NCLN: variants seen among roughly 807,000 people sequenced by gnomAD.
NCLN encodes the protein BOS complex subunit NCLN.
In NCLN, 34 loss-of-function variants were observed where a neutral mutation model predicts 69.5. The observed-to-expected ratio is 0.49, with a 90% CI of 0.37 to 0.65. The LOEUF (loss-of-function observed/expected upper bound fraction) is 0.65, where lower values mean the gene tolerates loss of function less well. Ranked by LOEUF, NCLN falls within the 30% of genes least tolerant of loss-of-function variation. The probability of loss-of-function intolerance (pLI) is 0.00; values close to 1 mark genes in which losing one functional copy is unlikely to be tolerated. For missense variants in NCLN, 710 were observed against 804.8 expected (o/e 0.88, Z 1.42); for synonymous variants, 393 against 358.3 (o/e 1.10, Z -1.09).
chr19:3,186,494 G>A (rs1395105960), intron 1 of NCLN, among the ~76,000 whole-genome samples: 2 of 152,048 alleles, frequency 1.3e-5, no homozygotes, highest in Non-Finnish European at 2.9e-5. Context: ...AGCGTCCCGC[G>A]TCCCTGGAGC....
chr19:3,189,499 G>A (rs1176918349), intron 1 of NCLN, among the ~76,000 whole-genome samples: 9 of 152,250 alleles, frequency 5.9e-5, no homozygotes, highest in Admixed American at 3.9e-4. Context: ...CCTATGGCCC[G>A]AGAGGGGAAA....
In NCLN at chr19:3,201,489, G is replaced by T. The variant is rs376406579; in HGVS notation, c.697-34G>T. The T allele has an allele frequency of 1.8e-4, 276 of 1,492,968 alleles. 2 individuals carry two copies. The African/African-American group carries it at 3.5e-3, about 19-fold the overall frequency. 92.5% of individuals were successfully genotyped at this position (1,492,968 alleles called of 1,614,324 possible). A position where few individuals can be genotyped will look rare whatever the true frequency, so the allele number is the denominator to read the frequency against. The stretch of plus-strand genomic sequence containing the variant: ...TCATGGGGTGCGGGAGCCGGGCGGG[G>T]GTGACTGTGGCCTTGCCTCTCCCGT... On this transcript the variant is annotated intron_variant, in intron 5 of 14. Coordinates refer to ENST00000246117, the MANE Select transcript of NCLN (RefSeq NM_020170.4).
chr19:3,201,801 C>CT (rs1169569063), intron 6 of NCLN, among the ~76,000 whole-genome samples, 175 bp downstream of exon 6: 1 of 152,212 alleles, frequency 6.6e-6, no homozygotes, highest in Non-Finnish European at 1.5e-5. Flanking sequence ...CTCGCAGGCT[C>CT]TGTCTCTTGG....
At chr19:3,196,302 A>T (rs374520752) in intron 4 of NCLN, 25 bp downstream of exon 4, 5 of 1,504,512 alleles carry the variant, frequency 3.3e-6, no homozygotes, top group African/African-American at 1.4e-5. Flanking sequence ...CCCCGGAGCC[A>T]GCCCCACGTC....
At chr19:3,199,113 G>A (rs1916056232) in intron 5 of NCLN, among the ~76,000 whole-genome samples, 1 of 152,214 alleles carries the variant, frequency 6.6e-6, no homozygotes, top group Non-Finnish European at 1.5e-5. Context: ...GCAGGTTCCA[G>A]GGCACGGCGG....
chr19:3,189,723 C>T (rs1915762312), intron 1 of NCLN, among the ~76,000 whole-genome samples: 1 of 152,238 alleles, frequency 6.6e-6, no homozygotes, highest in Non-Finnish European at 1.5e-5. Context: ...TGTGGCCACC[C>T]GGCCCGACCC....
chr19:3,190,858 C>A (rs570543030), intron 1 of NCLN, among the ~76,000 whole-genome samples: 42 of 152,236 alleles, frequency 2.8e-4, no homozygotes, highest in Admixed American at 1.9e-3. Flanking sequence ...TGTCTTTTAA[C>A]ATTTGGGTGA....
intron 12 of NCLN, 43 bp from the exon 13 acceptor site, chr19:3,207,155 G>T: frequency 6.2e-7 from 1 of 1,607,054 alleles, no homozygotes; most frequent in Non-Finnish European, 8.5e-7. Flanking sequence ...TTAAGAATTA[G>T]CTGGGCGCAG....
At chr19:3,201,501 C>G in intron 5 of NCLN, 22 bp from the exon 6 acceptor site, 1 of 1,531,822 alleles carries the variant, frequency 6.5e-7, no homozygotes, top group South Asian at 1.2e-5. Flanking sequence ...TGACTGTGGC[C>G]TTGCCTCTCC....
chr19:3,192,013 C>T (rs1392500941), intron 1 of NCLN, among the ~76,000 whole-genome samples: 1 of 152,108 alleles, frequency 6.6e-6, no homozygotes, highest in Non-Finnish European at 1.5e-5. Flanking sequence ...ACAGGCAAAA[C>T]CCCGTCTCTA....
chr19:3,191,035 G>A (rs1012709135), intron 1 of NCLN, among the ~76,000 whole-genome samples: 11 of 146,846 alleles, frequency 7.5e-5, no homozygotes, highest in African/African-American at 2.8e-4. Flanking sequence ...AGATCGTCGT[G>A]GTGCGTGGCG....
Position 3,186,024 on chromosome 19 carries a change from G to A in NCLN, c.-7G>A, listed in dbSNP as rs1357838535. 3.9e-6 allele frequency: 6 copies of A among 1,552,854 alleles called. No individual in the cohort carries two copies. The African/African-American group carries it at 4.3e-5, about 11-fold the overall frequency. ...TGCCGCCCCGCGCGGCCCCGCCGCCGGCCAGGATGCTGGAGGAAGCGGGCG... is the reference window on the plus strand; with the variant it reads ...TGCCGCCCCGCGCGGCCCCGCCGCCAGCCAGGATGCTGGAGGAAGCGGGCG... On this transcript the variant is annotated 5_prime_UTR_variant, in exon 1 of 15. Coordinates refer to ENST00000246117, the MANE Select transcript of NCLN (RefSeq NM_020170.4).
At chr19:3,187,959 C>G (rs979715651) in intron 1 of NCLN, among the ~76,000 whole-genome samples, 1 of 152,154 alleles carries the variant, frequency 6.6e-6, no homozygotes, top group Non-Finnish European at 1.5e-5. Context: ...CCAGCAGCCA[C>G]AGGAGGCTGC....
intron 1 of NCLN, among the ~76,000 whole-genome samples, chr19:3,187,961 G>A (rs1364055335): frequency 3.9e-5 from 6 of 152,182 alleles, no homozygotes; most frequent in African/African-American, 1.4e-4. Flanking sequence ...AGCAGCCACA[G>A]GAGGCTGCCG....
Position 3,192,630 on chromosome 19 carries a change from C to T in NCLN, c.345C>T (p.Ala115=). The T allele has an allele frequency of 6.3e-7, 1 of 1,577,112 alleles. No individual in the cohort carries two copies. The highest frequency in any genetic ancestry group is 8.6e-7 in the Non-Finnish European group (1 of 1,159,700). The change falls in exon 2 of 15, where the codon GCC becomes GCT. Residue 115 remains alanine (A), a synonymous_variant. Transcript: ENST00000246117. ...AGAVVIILPR[A]MAAVPQDVVR... is the part of the protein sequence containing the mutation. ...CCGTGGTCATCATCCTGCCCAGGGC[C>T]ATGGCCGCCGTGCCCCAGGACGTCG...
Position 3,207,722 on chromosome 19 carries a change from T to C in NCLN, c.*34T>C. On this transcript the variant is annotated 3_prime_UTR_variant, in exon 15 of 15. Coordinates refer to ENST00000246117, the MANE Select transcript of NCLN (RefSeq NM_020170.4). Reference sequence around the variant, plus strand: ...CCCCCACAGCCGGAGCCCCCGCCGCTCCACAGTCCCTGGGGCCGAGCACGA... The same window carrying C: ...CCCCCACAGCCGGAGCCCCCGCCGCCCCACAGTCCCTGGGGCCGAGCACGA... The C allele has an allele frequency of 6.3e-7, 1 of 1,583,014 alleles. No homozygotes were observed. The highest frequency in any genetic ancestry group is 8.7e-7 in the Non-Finnish European group (1 of 1,153,850).
chr19:3,196,447 C>A (rs1011176772), intron 4 of NCLN, among the ~76,000 whole-genome samples, 170 bp downstream of exon 4: 1 of 152,140 alleles, frequency 6.6e-6, no homozygotes, highest in Non-Finnish European at 1.5e-5. Flanking sequence ...GCTGCAGGAA[C>A]CCAAACTCCT....
intron 5 of NCLN, among the ~76,000 whole-genome samples, 164 bp downstream of exon 5, chr19:3,199,061 G>A (rs1160007230): frequency 6.6e-6 from 1 of 152,236 alleles, no homozygotes; most frequent in Non-Finnish European, 1.5e-5. Flanking sequence ...CTCAGGGTGG[G>A]TGTCGTGGGG....
chr19:3,194,301 T>A (rs1915903557), intron 3 of NCLN, among the ~76,000 whole-genome samples: 1 of 152,134 alleles, frequency 6.6e-6, no homozygotes, highest in African/African-American at 2.4e-5. Flanking sequence ...GAGAATCACT[T>A]GAACCCGGAA....
Sources: gnomAD v4.1 joint callset for allele counts (sites outside exome capture counted in the v4.1 genomes callset) on GRCh38, gnomAD v4.1.1 for gene constraint, MANE v1.5 for transcripts, NCBI Gene and HGNC (gene_info 2026-07-23, HGNC 2026-07-21) for gene names.